Variants in ZSWIM6 observed in about 807,000 individuals in gnomAD.
ZSWIM6 encodes zinc finger SWIM domain-containing protein 6.
Under a neutral mutation model 113.2 loss-of-function variants are expected in ZSWIM6, and 9 were observed. The observed-to-expected ratio is 0.08, with a 90% CI of 0.05 to 0.14. The LOEUF (loss-of-function observed/expected upper bound fraction) is 0.14, where lower values mean the gene tolerates loss of function less well. ZSWIM6 is among the 10% of genes least tolerant of loss of function. The pLI is 1.00. For missense variants in ZSWIM6, 1,162 were observed against 1,552.2 expected, an observed-to-expected ratio of 0.75 and a Z score of 4.22; for synonymous variants, 611 against 606.5, an observed-to-expected ratio of 1.01 and a Z score of -0.11.
At chr5:61,342,964 C>A (rs1381114258) in intron 1 of ZSWIM6, among the ~76,000 whole-genome samples, 2 of 152,084 alleles carry the variant, frequency 1.3e-5, no homozygotes, top group Non-Finnish European at 2.9e-5. Flanking sequence ...TGATTTTGAT[C>A]ATCTTCCATG....
At chr5:61,475,669 C>T (rs886341528) in intron 2 of ZSWIM6, among the ~76,000 whole-genome samples, 1 of 152,142 alleles carries the variant, frequency 6.6e-6, no homozygotes, top group Admixed American at 6.5e-5. Flanking sequence ...GCCTTCCATT[C>T]TAGTTTGACA....
At chr5:61,367,753 T>A in intron 1 of ZSWIM6, among the ~76,000 whole-genome samples, 1 of 152,124 alleles carries the variant, frequency 6.6e-6, no homozygotes. Context: ...TACCTTCAGA[T>A]CCCAGTTTTC....
chr5:61,332,869 C>T lies in ZSWIM6; in HGVS notation c.597C>T (p.Gly199=), dbSNP rs1744293993. 5 of 1,256,990 alleles carry T rather than the reference C, an allele frequency of 4.0e-6. No homozygotes were observed. The highest frequency in any genetic ancestry group is 5.1e-6 in the Non-Finnish European group (5 of 981,638). The allele number at this position is 1,256,990 out of a possible 1,614,324, so 77.9% of individuals were successfully genotyped here. ...TGGGGGCTGCCGGGGCGGCGGACGG[C>T]GGCGACGAGACGCGGCTGCCTTTCC... is the stretch of plus-strand genomic sequence containing the variant. The part of the protein sequence containing the change: ...PSVGAAGAAD[G]GDETRLPFRR... The change falls in exon 1 of 14, where the codon GGC becomes GGT. Residue 199 remains glycine, a synonymous_variant. Transcript: ENST00000252744.
intron 1 of ZSWIM6, among the ~76,000 whole-genome samples, chr5:61,441,638 G>A (rs1440127482): frequency 6.6e-6 from 1 of 152,184 alleles, no homozygotes; most frequent in Non-Finnish European, 1.5e-5. Flanking sequence ...TTGTAGCCTA[G>A]GGCCAGGTAC....
chr5:61,355,728 A>G (rs756163245), intron 1 of ZSWIM6, among the ~76,000 whole-genome samples: 1 of 152,204 alleles, frequency 6.6e-6, no homozygotes, highest in Non-Finnish European at 1.5e-5. Flanking sequence ...GCAGGCTGGA[A>G]TTGAGATTAC....
At position 61,533,111 on chromosome 5, in the gene ZSWIM6, G is replaced by A. The variant is rs140373839; in HGVS notation, c.2245+1386G>A. 5.8e-4 allele frequency among the ~76,000 whole-genome samples: 88 copies of A among 152,162 alleles called. 1 individual carries two copies. The highest frequency in any genetic ancestry group is 2.0e-3 in the African/African-American group (83 of 41,530). ...TAGTCTTGATTCGTCCATCCCTCCC[G>A]TCAAACATTTTTATGAGTACTGTGC... On this transcript the variant is annotated intron_variant, in intron 9 of 13. Transcript: ENST00000252744.
At chr5:61,508,223 T>C (rs925981905) in intron 4 of ZSWIM6, among the ~76,000 whole-genome samples, 5 of 152,106 alleles carry the variant, frequency 3.3e-5, no homozygotes, top group African/African-American at 1.2e-4. Flanking sequence ...CACTCACTTT[T>C]AGAAGTATGT....
chr5:61,355,900 T>C (rs537642048), intron 1 of ZSWIM6, among the ~76,000 whole-genome samples: 1 of 152,352 alleles, frequency 6.6e-6, no homozygotes, highest in African/African-American at 2.4e-5. Context: ...TACTAGGAAA[T>C]TTAAAATTAC....
At chr5:61,504,142 T>C (rs2112233963) in intron 4 of ZSWIM6, among the ~76,000 whole-genome samples, 2 of 152,304 alleles carry the variant, frequency 1.3e-5, no homozygotes, top group East Asian at 3.9e-4. Context: ...AAAACAATGA[T>C]TGAAAGGTAT....
chr5:61,495,058 A>G (rs1561263054), intron 4 of ZSWIM6, among the ~76,000 whole-genome samples: 1 of 152,176 alleles, frequency 6.6e-6, no homozygotes, highest in Non-Finnish European at 1.5e-5. Flanking sequence ...TGAATGATGT[A>G]TTTATTATCT....
intron 10 of ZSWIM6, among the ~76,000 whole-genome samples, chr5:61,537,424 T>G (rs1749608800): frequency 6.6e-6 from 1 of 152,196 alleles, no homozygotes; most frequent in Non-Finnish European, 1.5e-5. Context: ...CGCATGCTTC[T>G]TAGTCCTTCT....
At chr5:61,420,570 AGAACAGAGGCT>A (rs1299600757) in intron 1 of ZSWIM6, among the ~76,000 whole-genome samples, 1 of 152,188 alleles carries the variant, frequency 6.6e-6, no homozygotes. Context: ...AAGTAGCAGT[AGAACAGAGGCT>A]GCCGGGGAGT....
chr5:61,366,786 A>C (rs1473876264), intron 1 of ZSWIM6, among the ~76,000 whole-genome samples: 1 of 152,122 alleles, frequency 6.6e-6, no homozygotes, highest in Admixed American at 6.5e-5. Flanking sequence ...AAAATTAACC[A>C]GACGTGATGG....
At position 61,399,536 on chromosome 5, in the gene ZSWIM6, G is replaced by A. The variant is rs191959953; in HGVS notation, c.676+66588G>A. Among the ~76,000 whole-genome samples, 38 of 152,246 alleles carry A rather than the reference G, an allele frequency of 2.5e-4. 1 individual carries two copies. In the Middle Eastern group the frequency reaches 0.031, roughly 123 times the overall value. On this transcript the variant is annotated intron_variant, in intron 1 of 13. Transcript: ENST00000252744. ...TTAAGCACAGTGAGGCTTCATCTTCGTGTTCCTGAGGGACCAGAATCCTCT... is the reference window on the plus strand; with the variant it reads ...TTAAGCACAGTGAGGCTTCATCTTCATGTTCCTGAGGGACCAGAATCCTCT...
At chr5:61,398,425 T>C (rs552323603) in intron 1 of ZSWIM6, among the ~76,000 whole-genome samples, 56 of 152,308 alleles carry the variant, frequency 3.7e-4, no homozygotes, top group Non-Finnish European at 5.0e-4. Context: ...TTGTCTTTCA[T>C]GAATCGGTCC....
In ZSWIM6 at chr5:61,430,708, T is replaced by C. The variant is rs571664419; in HGVS notation, c.677-41973T>C. Among the ~76,000 whole-genome samples, 4 of 152,288 alleles carry C rather than the reference T, an allele frequency of 2.6e-5. No individual in the cohort carries two copies. The East Asian group carries it at 5.8e-4, about 22-fold the overall frequency. On this transcript the variant is annotated intron_variant, in intron 1 of 13. Transcript: ENST00000252744. ...AATCCCCTCTTATAGTGAGGCATGA[T>C]TGTATTCCCAGTATACATCTGTAAA...
chr5:61,368,948 TA>T, intron 1 of ZSWIM6, among the ~76,000 whole-genome samples: 1 of 152,234 alleles, frequency 6.6e-6, no homozygotes, highest in East Asian at 1.9e-4. Context: ...CTTGCTTAAC[TA>T]AAAAGGCTTC....
intron 1 of ZSWIM6, among the ~76,000 whole-genome samples, chr5:61,455,344 G>A (rs896706864): frequency 1.3e-5 from 2 of 152,050 alleles, no homozygotes; most frequent in African/African-American, 4.8e-5. Context: ...TGAGAACAAT[G>A]AAACAAGGAC....
At chr5:61,382,816 A>AAAAGAAAG (rs57053318) in intron 1 of ZSWIM6, among the ~76,000 whole-genome samples, 3,702 of 150,228 alleles carry the variant, frequency 0.025, 67 homozygotes, top group Non-Finnish European at 0.04. Context: ...AAATAAAAAA[A>AAAAGAAAG]AAAGAAAGAA....
Sources: allele counts gnomAD v4.1 joint callset (sites outside exome capture counted in the v4.1 genomes callset), GRCh38; gene constraint gnomAD v4.1.1; transcripts MANE v1.5; gene names NCBI Gene and HGNC (gene_info 2026-07-23, HGNC 2026-07-21).